FAM13B: variants seen among roughly 807,000 people sequenced by gnomAD.
The protein encoded by FAM13B is protein FAM13B.
Under a neutral mutation model 117.3 loss-of-function variants are expected in FAM13B, and 60 were observed. The observed-to-expected ratio is 0.51, with a 90% CI of 0.42 to 0.63. The LOEUF (loss-of-function observed/expected upper bound fraction) is 0.63. FAM13B is among the 30% of genes least tolerant of loss of function. FAM13B has a pLI of 0.00. For synonymous variants in FAM13B, 332 were observed against 356.1 expected, an observed-to-expected ratio of 0.93 and a Z score of 0.76; for missense variants, 972 against 1,091.9, an observed-to-expected ratio of 0.89 and a Z score of 1.55.
At chr5:138,005,172 G>A (rs994279701) in intron 7 of FAM13B, among the ~76,000 whole-genome samples, 1 of 152,178 alleles carries the variant, frequency 6.6e-6, no homozygotes. Context: ...GGGAGACAGA[G>A]GTTGCAGTGA....
Position 137,942,283 on chromosome 5 carries a change from G to A in FAM13B, c.2589-238C>T, listed in dbSNP as rs540980411. On this transcript the variant is annotated intron_variant, in intron 22 of 23. Coordinates refer to ENST00000689681, the MANE Select transcript of FAM13B (RefSeq NM_001385994.1). Reference sequence around the variant, plus strand: ...GTGACATACACCATATCATCCAAAGGTAAAGAAGTGGATATAGAACAAAAA... The same window carrying A: ...GTGACATACACCATATCATCCAAAGATAAAGAAGTGGATATAGAACAAAAA... 407 of 493,906 alleles carry A rather than the reference G, an allele frequency of 8.2e-4. 3 individuals carry two copies. The South Asian group carries it at 0.012, about 15-fold the overall frequency. The allele number at this position is 493,906 out of a possible 1,614,324, so 30.6% of individuals were successfully genotyped here. A position where few individuals can be genotyped will look rare whatever the true frequency, so the allele number is the denominator to read the frequency against.
chr5:138,043,159 T>C (rs1791546046), intron 1 of FAM13B, among the ~76,000 whole-genome samples: 1 of 152,048 alleles, frequency 6.6e-6, no homozygotes, highest in Non-Finnish European at 1.5e-5. Flanking sequence ...AGGCCAGGAA[T>C]TGGAGACCAG....
intron 7 of FAM13B, among the ~76,000 whole-genome samples, chr5:138,001,552 T>G (rs985062279): frequency 1.3e-5 from 2 of 152,234 alleles, no homozygotes; most frequent in Non-Finnish European, 2.9e-5. Flanking sequence ...CTTTACTGAG[T>G]GCCTATTCTG....
chr5:138,032,887 A>T lies in FAM13B; in HGVS notation c.-308T>A, dbSNP rs905344966. 1 of 985,580 alleles carries T rather than the reference A, an allele frequency of 1.0e-6. No individual in the cohort carries two copies. Among genetic ancestry groups the T allele is most frequent in the Non-Finnish European group, 1.2e-6 (1 of 829,994 alleles). 61.1% of individuals were successfully genotyped at this position (985,580 alleles called of 1,614,324 possible). ...GGCCCCAAGTGGCTCCGCGGCCGAG[A>T]AGCCTCTTCCTGGGGCGGCCGCTGA... On this transcript the variant is annotated 5_prime_UTR_variant, in exon 1 of 24. Coordinates refer to ENST00000689681, the MANE Select transcript of FAM13B (RefSeq NM_001385994.1).
At chr5:138,024,723 A>C (rs1263651064) in intron 1 of FAM13B, among the ~76,000 whole-genome samples, 1 of 152,100 alleles carries the variant, frequency 6.6e-6, no homozygotes, top group Non-Finnish European at 1.5e-5. Flanking sequence ...AAGAGAATAC[A>C]ATGTGTGGAC....
intron 1 of FAM13B, among the ~76,000 whole-genome samples, chr5:138,028,532 G>C (rs539922364): frequency 1.3e-5 from 2 of 152,206 alleles, no homozygotes; most frequent in East Asian, 1.9e-4. Flanking sequence ...CAAAAAAGCA[G>C]TGGTTAAACT....
At chr5:137,971,661 A>T (rs1165291450) in intron 10 of FAM13B, among the ~76,000 whole-genome samples, 2 of 151,998 alleles carry the variant, frequency 1.3e-5, no homozygotes, top group African/African-American at 4.8e-5. Flanking sequence ...CAAAAAATTA[A>T]CGAATCCAGG....
intron 10 of FAM13B, among the ~76,000 whole-genome samples, chr5:137,979,490 C>G (rs955836378): frequency 6.6e-6 from 1 of 152,178 alleles, no homozygotes; most frequent in Non-Finnish European, 1.5e-5. Context: ...TTTTCTTCTA[C>G]TGAGAAAATC....
At chr5:137,997,443 T>A (rs1214820433) in intron 7 of FAM13B, among the ~76,000 whole-genome samples, 1 of 151,780 alleles carries the variant, frequency 6.6e-6, no homozygotes, top group Non-Finnish European at 1.5e-5. Flanking sequence ...CACTCCAGCC[T>A]GGACAACAAG....
At chr5:138,022,761 GT>G (rs1344309334) in intron 1 of FAM13B, among the ~76,000 whole-genome samples, 1 of 151,526 alleles carries the variant, frequency 6.6e-6, no homozygotes, top group Non-Finnish European at 1.5e-5. Context: ...CAGGGAGCAA[GT>G]TTTATACATC....
At chr5:138,015,460 T>G (rs910748588) in intron 4 of FAM13B, among the ~76,000 whole-genome samples, 5 of 152,222 alleles carry the variant, frequency 3.3e-5, no homozygotes, top group Non-Finnish European at 5.9e-5. Flanking sequence ...TCCAGCACTC[T>G]GGGAGGCCAA....
intron 18 of FAM13B, 143 bp from the exon 19 acceptor site, chr5:137,946,454 G>T: frequency 1.7e-6 from 1 of 572,070 alleles, no homozygotes; most frequent in Admixed American, 3.6e-5. Context: ...GTCTAGCCCA[G>T]GCCTTTGCTT....
chr5:138,044,342 A>G (rs908702907), intron 1 of FAM13B, among the ~76,000 whole-genome samples: 1 of 152,134 alleles, frequency 6.6e-6, no homozygotes, highest in Non-Finnish European at 1.5e-5. Context: ...ACCTGAGGTC[A>G]GGAGTTCGAG....
chr5:137,966,488 T>TATAGAGAGAGAGAG (rs1461425784), intron 10 of FAM13B, among the ~76,000 whole-genome samples: 27 of 29,478 alleles, frequency 9.2e-4, no homozygotes, highest in African/African-American at 1.9e-3. Context: ...TATATATATA[T>TATAGAGAGAGAGAG]AGAGAGAGAG....
intron 7 of FAM13B, among the ~76,000 whole-genome samples, chr5:138,003,074 T>C (rs1394858109): frequency 6.6e-6 from 1 of 152,122 alleles, no homozygotes; most frequent in East Asian, 1.9e-4. Context: ...TATTTACTTT[T>C]AATTTCATAG....
Position 137,952,801 on chromosome 5 carries a change from A to T in FAM13B, c.1849-92T>A, listed in dbSNP as rs373345097. ...AATAGTATTTTACAATTCCCACAGC[A>T]AAGACTGCTCAATTCTCATTTCATC... is the stretch of plus-strand genomic sequence containing the variant. On this transcript the variant is annotated intron_variant, in intron 16 of 23. Coordinates refer to ENST00000689681, the MANE Select transcript of FAM13B (RefSeq NM_001385994.1). 123 of 727,712 alleles carry T rather than the reference A, an allele frequency of 1.7e-4. No homozygotes were observed. In the East Asian group the frequency reaches 2.9e-3, roughly 17 times the overall value. 45.1% of individuals were successfully genotyped at this position (727,712 alleles called of 1,614,324 possible). A position where few individuals can be genotyped will look rare whatever the true frequency, so the allele number is the denominator to read the frequency against.
intron 7 of FAM13B, 125 bp downstream of exon 7, chr5:138,006,865 C>CTCT: frequency 1.1e-6 from 1 of 917,900 alleles, no homozygotes; most frequent in South Asian, 2.7e-5. Context: ...TTACTTCTTG[C>CTCT]TCTTTTTCAC....
chr5:137,949,517 C>G (rs947426291), intron 17 of FAM13B, among the ~76,000 whole-genome samples: 2 of 152,154 alleles, frequency 1.3e-5, no homozygotes, highest in African/African-American at 4.8e-5. Context: ...TGGTGGCTCA[C>G]GCCTATAATC....
At chr5:138,046,827 A>G (rs1581334633) in intron 1 of FAM13B, among the ~76,000 whole-genome samples, 1 of 152,100 alleles carries the variant, frequency 6.6e-6, no homozygotes, top group Admixed American at 6.5e-5. Flanking sequence ...GCTCACTGCA[A>G]TCTCTGCCTC....
Sources: allele counts gnomAD v4.1 joint callset (sites outside exome capture counted in the v4.1 genomes callset), GRCh38; gene constraint gnomAD v4.1.1; transcripts MANE v1.5; gene names NCBI Gene and HGNC (gene_info 2026-07-23, HGNC 2026-07-21).